The following DGKI variants were observed in gnomAD, a reference collection of about 807,000 sequenced individuals.
DGKI encodes DAG kinase iota.
In DGKI, 55 loss-of-function variants were observed where a neutral mutation model predicts 147.5. The observed-to-expected ratio is 0.37, with a 90% CI of 0.30 to 0.47. DGKI has a LOEUF of 0.47. Among genes scored for constraint, DGKI ranks in the 20% least tolerant of loss-of-function variants. The probability of loss-of-function intolerance (pLI) is 1.00; values close to 1 mark genes in which losing one functional copy is unlikely to be tolerated. For synonymous variants in DGKI, 469 were observed against 477.1 expected, an observed-to-expected ratio of 0.98 and a Z score of 0.22; for missense variants, 1,007 against 1,323.8, an observed-to-expected ratio of 0.76 and a Z score of 3.71.
intron 10 of DGKI, among the ~76,000 whole-genome samples, chr7:137,601,028 T>C (rs1025696303): frequency 6.6e-6 from 1 of 152,072 alleles, no homozygotes; most frequent in African/African-American, 2.4e-5. Flanking sequence ...TCCCAGCACC[T>C]TGGGAGGCCG....
At chr7:137,680,663 C>T (rs1436701390) in intron 2 of DGKI, among the ~76,000 whole-genome samples, 5 of 152,056 alleles carry the variant, frequency 3.3e-5, no homozygotes, top group Non-Finnish European at 7.4e-5. Context: ...ACCTGTAATC[C>T]CAGCTACTCA....
intron 20 of DGKI, among the ~76,000 whole-genome samples, chr7:137,540,006 ATACT>A (rs1304590462): frequency 1.2e-4 from 19 of 152,188 alleles, no homozygotes; most frequent in Admixed American, 3.9e-4. Flanking sequence ...AATTCCTCAA[ATACT>A]TCGAGCAACT....
chr7:137,460,791 CTG>C (rs1386431560), intron 27 of DGKI, among the ~76,000 whole-genome samples: 1 of 152,140 alleles, frequency 6.6e-6, no homozygotes, highest in Non-Finnish European at 1.5e-5. Context: ...TTACACTACT[CTG>C]TGTTGTTTAT....
rs189093047 is a variant in DGKI, at chr7:137,485,070, A to C, written c.2373+304T>G. On this transcript the variant is annotated intron_variant, in intron 23 of 32. Coordinates refer to ENST00000614521, the MANE Select transcript of DGKI (RefSeq NM_001321708.2). ...CTGGACTTTTTGCTTATGTGAACCA[A>C]GAGACCCTTTCCTTGCTAAGCTAGT... 3.4e-3 allele frequency among the ~76,000 whole-genome samples: 524 copies of C among 152,134 alleles called. 2 individuals are homozygous for C. Among genetic ancestry groups the C allele is most frequent in the African/African-American group, 0.012 (505 of 41,534 alleles).
At chr7:137,545,486 C>T (rs970615827) in intron 20 of DGKI, among the ~76,000 whole-genome samples, 3 of 152,090 alleles carry the variant, frequency 2.0e-5, no homozygotes, top group Non-Finnish European at 4.4e-5. Flanking sequence ...AACAGAAACA[C>T]ACACACACAC....
chr7:137,770,173 G>T (rs1285835443), intron 1 of DGKI, among the ~76,000 whole-genome samples: 1 of 152,186 alleles, frequency 6.6e-6, no homozygotes, highest in African/African-American at 2.4e-5. Context: ...GCAGGGACAT[G>T]GATGAAGCTG....
chr7:137,517,344 A>AGAGAAC (rs1816811327), intron 21 of DGKI, among the ~76,000 whole-genome samples: 1 of 133,972 alleles, frequency 7.5e-6, no homozygotes, highest in Non-Finnish European at 1.7e-5. Context: ...AGAAAGAGAA[A>AGAGAAC]GAAAGAAAGA....
intron 20 of DGKI, among the ~76,000 whole-genome samples, chr7:137,531,709 G>A (rs867891551): frequency 6.6e-6 from 1 of 152,168 alleles, no homozygotes; most frequent in Admixed American, 6.5e-5. Flanking sequence ...ATCACAAACA[G>A]TTGTATTTTC....
chr7:137,609,675 C>G (rs1427012602), intron 8 of DGKI, 66 bp from the exon 9 acceptor site: 1 of 1,175,292 alleles, frequency 8.5e-7, no homozygotes, highest in African/African-American at 1.5e-5. Flanking sequence ...CCATGCAGAA[C>G]CAAGTAGAAG....
intron 1 of DGKI, among the ~76,000 whole-genome samples, chr7:137,816,964 C>T (rs1386625642): frequency 6.6e-6 from 1 of 152,152 alleles, no homozygotes. Flanking sequence ...CCACTAGATG[C>T]CAGTAGCATC....
chr7:137,424,604 C>T (rs1306987380), intron 28 of DGKI, among the ~76,000 whole-genome samples: 2 of 152,136 alleles, frequency 1.3e-5, no homozygotes, highest in Admixed American at 1.3e-4. Context: ...ACTTGGGAAG[C>T]ACAAGGGGTC....
At chr7:137,518,068 T>C (rs1350863861) in intron 21 of DGKI, among the ~76,000 whole-genome samples, 4 of 152,066 alleles carry the variant, frequency 2.6e-5, no homozygotes, top group Non-Finnish European at 5.9e-5. Context: ...CTCTATGACC[T>C]ACTTTGAGTC....
intron 1 of DGKI, among the ~76,000 whole-genome samples, chr7:137,798,256 C>T (rs372106891): frequency 1.8e-4 from 27 of 152,190 alleles, no homozygotes; most frequent in African/African-American, 6.5e-4. Context: ...GGGAATTCTA[C>T]CAATCATTTA....
intron 14 of DGKI, 88 bp downstream of exon 14, chr7:137,585,121 G>T: frequency 1.4e-6 from 2 of 1,462,056 alleles, no homozygotes; most frequent in Non-Finnish European, 1.9e-6. Flanking sequence ...GAATTCATCA[G>T]CACATGACTC....
chr7:137,626,171 A>C (rs1257335163), intron 6 of DGKI, among the ~76,000 whole-genome samples: 1 of 152,096 alleles, frequency 6.6e-6, no homozygotes, highest in Non-Finnish European at 1.5e-5. Flanking sequence ...AGCACTATAC[A>C]CTGAGTCCTG....
chr7:137,556,221 T>C (rs1818218443), intron 19 of DGKI, among the ~76,000 whole-genome samples: 1 of 152,120 alleles, frequency 6.6e-6, no homozygotes, highest in South Asian at 2.1e-4. Context: ...GTAGCTTTTG[T>C]AACTGATAAA....
intron 3 of DGKI, 100 bp from the exon 4 acceptor site, chr7:137,656,640 C>T (rs1274459117): frequency 9.6e-7 from 1 of 1,045,110 alleles, no homozygotes; most frequent in Admixed American, 2.2e-5. Flanking sequence ...TACATAAATA[C>T]AGCAAACATT....
chr7:137,666,810 T>G (rs1822657865), intron 3 of DGKI, among the ~76,000 whole-genome samples: 1 of 152,182 alleles, frequency 6.6e-6, no homozygotes, highest in Non-Finnish European at 1.5e-5. Flanking sequence ...GAAGAAATCC[T>G]TAAAAATCCA....
chr7:137,641,948 G>C (rs1304396563), intron 6 of DGKI, among the ~76,000 whole-genome samples: 1 of 152,134 alleles, frequency 6.6e-6, no homozygotes, highest in Non-Finnish European at 1.5e-5. Flanking sequence ...TATATTTTTT[G>C]AATATAGATT....
Sources: allele counts gnomAD v4.1 joint callset (sites outside exome capture counted in the v4.1 genomes callset), GRCh38; gene constraint gnomAD v4.1.1; transcripts MANE v1.5; gene names NCBI Gene and HGNC (gene_info 2026-07-23, HGNC 2026-07-21).